The following FLAD1 variants were observed in gnomAD, a reference collection of about 807,000 sequenced individuals.
FLAD1 encodes the protein bifunctional FAD diphosphatase/FAD synthase.
Under a neutral mutation model 55.0 loss-of-function variants are expected in FLAD1, and 35 were observed. The observed-to-expected ratio is 0.64, with a 90% confidence interval of 0.49 to 0.84. The LOEUF is 0.84. Among genes scored for constraint, FLAD1 ranks in the 40% least tolerant of loss-of-function variants. FLAD1 has a pLI of 0.00. For synonymous variants in FLAD1, 267 were observed against 303.0 expected (o/e 0.88, Z 1.23); for missense variants, 665 against 742.6 (o/e 0.90, Z 1.21).
chr1:154,986,771 A>G (rs769883955), intron 1 of FLAD1, among the ~76,000 whole-genome samples: 2 of 86,412 alleles, frequency 2.3e-5, no homozygotes, highest in African/African-American at 9.3e-5. Context: ...AATTTTTTGT[A>G]TTTTTTTGTA....
At position 154,983,653 on chromosome 1, in the gene FLAD1, G is replaced by A. The variant is rs1160077110; in HGVS notation, c.-42G>A. The A allele has an allele frequency of 1.3e-6, 2 of 1,561,668 alleles. No homozygotes were observed. Among genetic ancestry groups the A allele is most frequent in the East Asian group, 2.3e-5 (1 of 44,404 alleles). ...AAAGTGGTAGGTTCTCAAGAGAGAA[G>A]AAGTTTTTAAGACTAGAGCTAAGCA... On this transcript the variant is annotated 5_prime_UTR_variant, in exon 1 of 7. Transcript: ENST00000292180.
At chr1:154,985,008 G>T (rs1657504030) in intron 1 of FLAD1, among the ~76,000 whole-genome samples, 1 of 145,156 alleles carries the variant, frequency 6.9e-6, no homozygotes, top group South Asian at 2.2e-4. Context: ...GTGACTACAG[G>T]TGTTAGCCGC....
At chr1:154,990,043 G>T in intron 3 of FLAD1, 116 bp from the exon 4 acceptor site, 1 of 885,140 alleles carries the variant, frequency 1.1e-6, no homozygotes. Flanking sequence ...AAAGGACAAG[G>T]AAAAGGGAGA....
intron 1 of FLAD1, among the ~76,000 whole-genome samples, chr1:154,986,375 A>C (rs1350835014): frequency 1.3e-5 from 2 of 151,476 alleles, no homozygotes; most frequent in Admixed American, 6.6e-5. Context: ...CGCCACCACG[A>C]CTGGCTAATT....
Position 154,992,142 on chromosome 1 carries a change from CAAAA to C in FLAD1, c.1555-557_1555-554del, listed in dbSNP as rs35484260. On this transcript the variant is annotated intron_variant, in intron 5 of 6. Transcript: ENST00000292180. ...TGGGTGACAGAGCAAGACTCCGTCT[CAAAA>C]AAAAAAAAAAAAATAGGGCCGGGCA... 1.7e-4 allele frequency among the ~76,000 whole-genome samples: 12 copies of C among 68,888 alleles called. No individual in the cohort carries two copies. In the Admixed American group the frequency reaches 2.2e-3, roughly 12 times the overall value. 45.2% of individuals were successfully genotyped at this position (68,888 alleles called of 152,430 possible).
rs748480567 is a variant in FLAD1 at position 154,988,359 on chromosome 1, C to T, written c.627C>T (p.Thr209=). Residue 209 remains threonine, a synonymous_variant, in exon 2 of 7, where the codon ACC becomes ACT. Transcript: ENST00000292180. ...CACACCCCAAGTTGGAAGCAGCCAC[C>T]AAAGCCCTAGGAGGGGAAGGCTGGG... The part of the protein sequence containing the change: ...LKPHPKLEAA[T]KALGGEGWEK... 6.8e-6 allele frequency: 11 copies of T among 1,614,172 alleles called. No homozygotes were observed. In the Admixed American group the frequency reaches 1.7e-4, roughly 24 times the overall value.
In FLAD1 at chr1:154,990,449, AC is replaced by A. The variant is rs1477059378; in HGVS notation, c.1479del (p.Tyr494ThrfsTer66). 1.2e-6 allele frequency: 2 copies of A among 1,614,054 alleles called. No homozygotes were observed. The highest frequency in any genetic ancestry group is 2.2e-5 in the South Asian group (2 of 91,082). On this transcript the variant is annotated frameshift_variant, in exon 5 of 7. Coordinates refer to ENST00000292180, the MANE Select transcript of FLAD1 (RefSeq NM_025207.5). LOFTEE classifies it high-confidence loss of function. The part of the protein sequence containing the change: ...EAVLMGTRRT[D>X]PYSCSLCPFS... ...GTCCTTATGGGCACCCGCCGGACTG[AC>A]CCCTACTCCTGTAGCCTCTGCCCTT...
chr1:154,985,689 G>A (rs1052085491), intron 1 of FLAD1, among the ~76,000 whole-genome samples: 4 of 144,748 alleles, frequency 2.8e-5, no homozygotes, highest in African/African-American at 7.7e-5. Flanking sequence ...TTACAGGCGT[G>A]AGCCACCTCA....
rs199979286 is a variant in FLAD1, at chr1:154,988,477, C to T, written c.745C>T (p.Arg249Ter). 1.7e-5 allele frequency: 27 copies of T among 1,614,128 alleles called. No individual in the cohort carries two copies. The highest frequency in any genetic ancestry group is 3.3e-4 in the Middle Eastern group (2 of 6,084). The change falls in exon 2 of 7, where the codon CGA becomes TGA. Residue 249 changes from arginine (R) to a stop codon, truncating the protein, a stop_gained. Coordinates refer to ENST00000292180, the MANE Select transcript of FLAD1 (RefSeq NM_025207.5). LOFTEE classifies it high-confidence loss of function. ...TTTCAGATTCCCTCTGGTCTCCGTC[C>T]GAAACGTCTACCTCTTCCCAGGCAT... ...QPFRFPLVSV[R>*]NVYLFPGIPE...
chr1:154,990,642 T>C, intron 5 of FLAD1, 114 bp downstream of exon 5: 4 of 1,044,066 alleles, frequency 3.8e-6, no homozygotes, highest in Non-Finnish European at 5.3e-6. Flanking sequence ...TGAAGGGGCC[T>C]CATCATCCAA....
chr1:154,985,403 C>T (rs1571479538), intron 1 of FLAD1, among the ~76,000 whole-genome samples: 1 of 148,098 alleles, frequency 6.8e-6, no homozygotes, highest in African/African-American at 2.5e-5. Flanking sequence ...CTTAATAGAC[C>T]CTTTTTTTTT....
At chr1:154,990,302 A>T (rs375481623) in intron 4 of FLAD1, 37 bp from the exon 5 acceptor site, 69 of 1,613,446 alleles carry the variant, frequency 4.3e-5, no homozygotes, top group Non-Finnish European at 5.5e-5. Context: ...AGCTTGACAG[A>T]GCCCACGCCC....
At chr1:154,986,433 G>T (rs909113162) in intron 1 of FLAD1, among the ~76,000 whole-genome samples, 1 of 152,164 alleles carries the variant, frequency 6.6e-6, no homozygotes, top group African/African-American at 2.4e-5. Context: ...GGCCAGGCTG[G>T]TGACCCCTAT....
chr1:154,990,141 A>C lies in FLAD1; in HGVS notation c.1266-18A>C, dbSNP rs1035480631. On this transcript the variant is annotated intron_variant, in intron 3 of 6. Transcript: ENST00000292180. ...CTTGTCCATGCTCACAAGCCTGTGG[A>C]TTCTTCCCCCTCTGCAGGAAATTAC... 1.3e-6 allele frequency: 2 copies of C among 1,596,408 alleles called. No individual in the cohort carries two copies. The highest frequency in any genetic ancestry group is 2.7e-5 in the African/African-American group (2 of 74,442).
At chr1:154,986,867 G>C (rs1261452388) in intron 1 of FLAD1, among the ~76,000 whole-genome samples, 2 of 151,792 alleles carry the variant, frequency 1.3e-5, no homozygotes, top group African/African-American at 4.8e-5. Context: ...AAAAATGCTG[G>C]GATTACAGGC....
chr1:154,989,626 G>C lies in FLAD1; in HGVS notation c.1184G>C (p.Ser395Thr). The C allele has an allele frequency of 3.1e-6, 5 of 1,603,694 alleles. No individual in the cohort carries two copies. The highest frequency in any genetic ancestry group is 4.3e-6 in the Non-Finnish European group (5 of 1,174,322). The part of the protein sequence containing the change: ...QTIETSLAQY[S>T]LTQLCVGFNG... ...ATTGAGACCTCCCTGGCTCAGTACA[G>C]CCTCACCCAGCTCTGTGTGGGCTTC... The change falls in exon 3 of 7, where the codon AGC becomes ACC. Residue 395 changes from serine (S) to threonine (T), a missense_variant. Transcript: ENST00000292180.
Position 154,983,820 on chromosome 1 carries a change from T to C in FLAD1, c.126T>C (p.His42=). The C allele has an allele frequency of 1.2e-6, 2 of 1,614,040 alleles. No homozygotes were observed. The highest frequency in any genetic ancestry group is 2.2e-5 in the South Asian group (2 of 91,068). ...EGSTRTPALP[H]CLFWLLQVPS... Reference sequence around the variant, plus strand: ...GCACGCGCACGCCTGCTCTCCCCCATTGTCTTTTCTGGCTTCTCCAGGTTC... The same window carrying C: ...GCACGCGCACGCCTGCTCTCCCCCACTGTCTTTTCTGGCTTCTCCAGGTTC... The change falls in exon 1 of 7, where the codon CAT becomes CAC. Residue 42 remains histidine (H), a synonymous_variant. Coordinates refer to ENST00000292180, the MANE Select transcript of FLAD1 (RefSeq NM_025207.5).
chr1:154,988,072 A>G, intron 1 of FLAD1, 33 bp from the exon 2 acceptor site: 1 of 1,614,040 alleles, frequency 6.2e-7, no homozygotes, highest in South Asian at 1.1e-5. Context: ...TCCCTACAGT[A>G]CTGATGGCCT....
rs760138304 is a variant in FLAD1, at chr1:154,983,803, A to C, written c.109A>C (p.Thr37Pro). The C allele has an allele frequency of 1.4e-5, 23 of 1,614,024 alleles. No homozygotes were observed. In the South Asian group the frequency reaches 2.5e-4, roughly 18 times the overall value. Residue 37 changes from threonine to proline, a missense_variant, in exon 1 of 7, where the codon ACG (threonine) becomes CCG (proline). Physicochemically the swap from Thr to Pro is conservative, Grantham distance 38. Transcript: ENST00000292180. ...TRVFLEGSTR[T>P]PALPHCLFWL... ...GGTCTTCCTCGAAGGAAGCACGCGC[A>C]CGCCTGCTCTCCCCCATTGTCTTTT...
Sources: gnomAD v4.1 joint callset for allele counts (sites outside exome capture counted in the v4.1 genomes callset) on GRCh38, gnomAD v4.1.1 for gene constraint, MANE v1.5 for transcripts, NCBI Gene and HGNC (gene_info 2026-07-23, HGNC 2026-07-21) for gene names.